STAB2: variants seen among roughly 807,000 people sequenced by gnomAD.
STAB2 encodes stabilin 2, also known as stabilin-2.
In STAB2, 288 loss-of-function variants were observed where a neutral mutation model predicts 338.1. The ratio of observed to expected loss-of-function variants is 0.85; its 90% CI spans 0.77 to 0.94. The LOEUF (loss-of-function observed/expected upper bound fraction) is 0.94, where lower values mean the gene tolerates loss of function less well. Among genes scored for constraint, STAB2 ranks in the 40% least tolerant of loss-of-function variants. The probability of loss-of-function intolerance (pLI) is 0.00; values close to 1 mark genes in which losing one functional copy is unlikely to be tolerated. For missense variants in STAB2, 3,141 were observed against 3,210.1 expected, an observed-to-expected ratio of 0.98 and a Z score of 0.52; for synonymous variants, 1,202 against 1,193.3, an observed-to-expected ratio of 1.01 and a Z score of -0.15.
At chr12:103,746,290 T>C (rs1244499140) in intron 57 of STAB2, 1 of 228,352 alleles carries the variant, frequency 4.4e-6, no homozygotes, top group Non-Finnish European at 8.8e-6. Context: ...AGAGCTAATC[T>C]GCCAAGTTCA....
chr12:103,677,309 A>G, intron 24 of STAB2, 144 bp from the exon 25 acceptor site: 1 of 1,192,840 alleles, frequency 8.4e-7, no homozygotes, highest in Non-Finnish European at 1.2e-6. Flanking sequence ...CTTTTCATGA[A>G]TCTCAATGTA....
Position 103,650,538 on chromosome 12 carries a change from C to T in STAB2, c.1217C>T (p.Thr406Met), listed in dbSNP as rs781575051. ...AWPLSKLGPF[T>M]VLLPTDKGLK... Reference sequence around the variant, plus strand: ...CCACTGAGTAAGCTGGGACCCTTCACGGTGCTGTTACCTACAGACAAGGGA... The same window carrying T: ...CCACTGAGTAAGCTGGGACCCTTCATGGTGCTGTTACCTACAGACAAGGGA... Residue 406 changes from threonine (T) to methionine (M), a missense_variant, in exon 11 of 69, where the codon ACG becomes ATG. By Grantham distance (81) the Thr-to-Met change is moderately conservative. Coordinates refer to ENST00000388887, the MANE Select transcript of STAB2 (RefSeq NM_017564.10). 1.7e-5 allele frequency: 27 copies of T among 1,613,056 alleles called. No individual in the cohort carries two copies. Among genetic ancestry groups the T allele is most frequent in the Admixed American group, 5.0e-5 (3 of 59,964 alleles).
At chr12:103,587,713 C>T (rs1367335920) in intron 1 of STAB2, among the ~76,000 whole-genome samples, 156 bp downstream of exon 1, 1 of 152,158 alleles carries the variant, frequency 6.6e-6, no homozygotes, top group Non-Finnish European at 1.5e-5. Flanking sequence ...TGTGATGCAC[C>T]ATCTTTCCGA....
In STAB2 at chr12:103,650,578, T is replaced by C. The variant is rs1565984511; in HGVS notation, c.1257T>C (p.Asn419=). 1.7e-5 allele frequency: 27 copies of C among 1,612,326 alleles called. No individual in the cohort carries two copies. The highest frequency in any genetic ancestry group is 2.3e-5 in the Non-Finnish European group (27 of 1,178,684). ...CAGACAAGGGACTGAAAGGATTCAA[T>C]GTGAGTATTTAAAATGACCCTACAC... ...LPTDKGLKGF[N]VNELLVDNKA... Residue 419 remains asparagine (N), a splice_region_variant and synonymous_variant, in exon 11 of 69, where the codon AAT becomes AAC. Transcript: ENST00000388887.
rs1352096707 is a variant in STAB2 at position 103,711,482 on chromosome 12, G to A, written c.4300G>A (p.Asp1434Asn). The A allele has an allele frequency of 1.2e-6, 2 of 1,614,124 alleles. No individual in the cohort carries two copies. The highest frequency in any genetic ancestry group is 2.2e-5 in the South Asian group (2 of 91,086). ...GTTCTCTTTTTCAGCAACCACAGAAGACAACTGCAATGGGACATGCCATAC... is the reference window on the plus strand; with the variant it reads ...GTTCTCTTTTTCAGCAACCACAGAAAACAACTGCAATGGGACATGCCATAC... ...GVHCDNATTE[D>N]NCNGTCHTSA... is the part of the protein sequence containing the mutation. Residue 1434 changes from aspartate (D) to asparagine (N), a missense_variant, in exon 40 of 69, where the codon GAC becomes AAC. Transcript: ENST00000388887.
rs537110134 is a variant in STAB2, at chr12:103,664,338, G to A, written c.2022+1340G>A. Among the ~76,000 whole-genome samples, 17 of 152,206 alleles carry A rather than the reference G, an allele frequency of 1.1e-4. 1 individual carries two copies. In the East Asian group the frequency reaches 3.1e-3, roughly 28 times the overall value. On this transcript the variant is annotated intron_variant, in intron 18 of 68. Coordinates refer to ENST00000388887, the MANE Select transcript of STAB2 (RefSeq NM_017564.10). The stretch of plus-strand genomic sequence containing the variant: ...TTTTTGTATTTTTAGTAGAGACGGG[G>A]TTTCACTGTGTTCACCAGGATGGTC...
At chr12:103,702,183 A>G (rs1878941937) in intron 34 of STAB2, among the ~76,000 whole-genome samples, 2 of 151,536 alleles carry the variant, frequency 1.3e-5, no homozygotes, top group Non-Finnish European at 2.9e-5. Flanking sequence ...TCAAAGTTGA[A>G]TTTGACTTGG....
intron 31 of STAB2, 107 bp downstream of exon 31, chr12:103,692,996 G>A: frequency 2.6e-6 from 2 of 761,292 alleles, no homozygotes; most frequent in Non-Finnish European, 4.2e-6. Flanking sequence ...AGCCTTATAT[G>A]GAAGTAACCG....
rs142983253 is a variant in STAB2, at chr12:103,625,315, G to A, written c.487+3204G>A. 2.0e-3 allele frequency among the ~76,000 whole-genome samples: 312 copies of A among 152,302 alleles called. 1 individual carries two copies. Among genetic ancestry groups the A allele is most frequent in the African/African-American group, 7.2e-3 (301 of 41,560 alleles). ...GAAGTATCCTCCCTTCACACTTAGT[G>A]TTGTGGAGAAAGGGCAAGTGAAAGG... is the stretch of plus-strand genomic sequence containing the variant. On this transcript the variant is annotated intron_variant, in intron 5 of 68. Coordinates refer to ENST00000388887, the MANE Select transcript of STAB2 (RefSeq NM_017564.10).
intron 65 of STAB2, 56 bp from the exon 66 acceptor site, chr12:103,761,244 T>C (rs1884513140): frequency 3.9e-6 from 6 of 1,544,102 alleles, no homozygotes; most frequent in Non-Finnish European, 5.4e-6. Flanking sequence ...CTTCCCTCCA[T>C]GGAGGGCTGC....
intron 1 of STAB2, among the ~76,000 whole-genome samples, chr12:103,588,450 CCT>C (rs2138517170): frequency 6.6e-6 from 1 of 151,448 alleles, no homozygotes; most frequent in African/African-American, 2.4e-5. Flanking sequence ...CAGTCTCGCC[CCT>C]GACAGTGCTC....
At chr12:103,610,479 G>A (rs1406357510) in intron 3 of STAB2, among the ~76,000 whole-genome samples, 1 of 152,176 alleles carries the variant, frequency 6.6e-6, no homozygotes, top group Non-Finnish European at 1.5e-5. Flanking sequence ...TTGCGTGGAG[G>A]TGTTTATAAT....
At chr12:103,725,740 GTTAT>G (rs1881147125) in intron 45 of STAB2, among the ~76,000 whole-genome samples, 1 of 152,194 alleles carries the variant, frequency 6.6e-6, no homozygotes, top group Non-Finnish European at 1.5e-5. Flanking sequence ...TAAATGTTCA[GTTAT>G]TTAAAGAGGG....
intron 3 of STAB2, among the ~76,000 whole-genome samples, chr12:103,609,571 C>T (rs1298241030): frequency 6.6e-6 from 1 of 152,084 alleles, no homozygotes; most frequent in Non-Finnish European, 1.5e-5. Flanking sequence ...TGCTTATCAG[C>T]TTAAGGAGAT....
intron 22 of STAB2, among the ~76,000 whole-genome samples, chr12:103,672,160 A>G (rs1566001673): frequency 6.6e-6 from 1 of 152,212 alleles, no homozygotes; most frequent in Non-Finnish European, 1.5e-5. Context: ...TTTCCTATGA[A>G]ACACACAACC....
chr12:103,735,006 A>AT (rs1358748406), intron 51 of STAB2, among the ~76,000 whole-genome samples: 1 of 152,148 alleles, frequency 6.6e-6, no homozygotes, highest in Admixed American at 6.5e-5. Context: ...TTCAAACTAG[A>AT]TTAAGAGTCC....
chr12:103,761,099 C>A (rs1316541443), intron 65 of STAB2, among the ~76,000 whole-genome samples: 1 of 152,134 alleles, frequency 6.6e-6, no homozygotes, highest in Admixed American at 6.5e-5. Context: ...TTCTCTGCAG[C>A]CCTCAGATCA....
chr12:103,594,640 A>G (rs1956849708), intron 3 of STAB2, 130 bp downstream of exon 3: 1 of 712,794 alleles, frequency 1.4e-6, no homozygotes, highest in Non-Finnish European at 2.4e-6. Context: ...GTGTTAGTCT[A>G]TATGTAGAAA....
chr12:103,638,681 G>A (rs1179913192), intron 8 of STAB2, among the ~76,000 whole-genome samples: 1 of 152,126 alleles, frequency 6.6e-6, no homozygotes, highest in African/African-American at 2.4e-5. Context: ...GAATATTCTG[G>A]GGAGAGACAC....
Sources: gnomAD v4.1 joint callset for allele counts (sites outside exome capture counted in the v4.1 genomes callset) on GRCh38, gnomAD v4.1.1 for gene constraint, MANE v1.5 for transcripts, NCBI Gene and HGNC (gene_info 2026-07-23, HGNC 2026-07-21) for gene names.